The following MALRD1 variants were observed in gnomAD, a reference collection of about 807,000 sequenced individuals.
MALRD1 encodes MAM and LDL-receptor class A domain-containing protein 1.
MALRD1 carries 247 observed loss-of-function variants against 242.1 expected under a neutral mutation model. The observed-to-expected ratio is 1.02, with a 90% CI of 0.92 to 1.13. The LOEUF is 1.13. MALRD1 is among the 50% of genes most tolerant of loss of function. The pLI is 0.00. For synonymous variants in MALRD1, 995 were observed against 866.6 expected (o/e 1.15, Z -2.60); for missense variants, 2,989 against 2,533.1 (o/e 1.18, Z -3.86).
chr10:19,289,152 T>A (rs1255632649), intron 21 of MALRD1, among the ~76,000 whole-genome samples: 1 of 152,166 alleles, frequency 6.6e-6, no homozygotes, highest in East Asian at 1.9e-4. Context: ...GTGGCTTATA[T>A]CAATAAACTA....
Position 19,460,225 on chromosome 10 carries a change from G to A in MALRD1, c.5029+9735G>A, listed in dbSNP as rs114629227. 3.8e-3 allele frequency among the ~76,000 whole-genome samples: 585 copies of A among 151,998 alleles called. 4 individuals are homozygous for A. The highest frequency in any genetic ancestry group is 0.013 in the African/African-American group (557 of 41,466). On this transcript the variant is annotated intron_variant, in intron 29 of 39. Coordinates refer to ENST00000454679, the MANE Select transcript of MALRD1 (RefSeq NM_001142308.3). Reference sequence around the variant, plus strand: ...ATATGTCATTTAGTCCTGAAATATCGGTACAGATATATACTAGTATATAAG... The same window carrying A: ...ATATGTCATTTAGTCCTGAAATATCAGTACAGATATATACTAGTATATAAG...
intron 29 of MALRD1, among the ~76,000 whole-genome samples, chr10:19,459,432 A>G (rs1330734392): frequency 6.6e-6 from 1 of 152,128 alleles, no homozygotes; most frequent in Non-Finnish European, 1.5e-5. Flanking sequence ...CAGGCTTCAG[A>G]AGAGAGACTT....
intron 33 of MALRD1, among the ~76,000 whole-genome samples, chr10:19,574,954 T>C (rs551071360): frequency 1.3e-5 from 2 of 152,350 alleles, no homozygotes; most frequent in Admixed American, 6.5e-5. Context: ...TTGCCATTCA[T>C]TCAGTCAATA....
At chr10:19,325,776 G>C (rs1022321545) in intron 22 of MALRD1, among the ~76,000 whole-genome samples, 32 of 152,048 alleles carry the variant, frequency 2.1e-4, no homozygotes, top group African/African-American at 7.7e-4. Flanking sequence ...AGCTTGCCAA[G>C]AAATCTCTAG....
At chr10:19,099,166 G>A (rs1353244412) in intron 4 of MALRD1, among the ~76,000 whole-genome samples, 1 of 152,146 alleles carries the variant, frequency 6.6e-6, no homozygotes, top group Non-Finnish European at 1.5e-5. Context: ...ACAACTGCCG[G>A]CATTCACCCG....
At chr10:19,414,851 A>G (rs956527698) in intron 28 of MALRD1, among the ~76,000 whole-genome samples, 5 of 152,174 alleles carry the variant, frequency 3.3e-5, no homozygotes, top group African/African-American at 9.7e-5. Context: ...AACTTTCTAT[A>G]TAAATATAAA....
chr10:19,496,398 G>C (rs975789886), intron 30 of MALRD1, among the ~76,000 whole-genome samples: 3 of 152,026 alleles, frequency 2.0e-5, no homozygotes, highest in African/African-American at 7.2e-5. Flanking sequence ...TCTATACCAA[G>C]AAGATCTCTC....
At chr10:19,360,635 C>A (rs1844851320) in intron 26 of MALRD1, among the ~76,000 whole-genome samples, 2 of 151,994 alleles carry the variant, frequency 1.3e-5, no homozygotes, top group South Asian at 4.1e-4. Flanking sequence ...AGAAAACACT[C>A]CTGGAAATAC....
chr10:19,155,018 A>T (rs1023995555), intron 11 of MALRD1, 57 bp from the exon 12 acceptor site: 5 of 970,358 alleles, frequency 5.2e-6, no homozygotes, highest in Non-Finnish European at 6.7e-6. Context: ...TGGAGCAAAG[A>T]ACAGCTAAGT....
At position 19,674,667 on chromosome 10, in the gene MALRD1, A is replaced by G. The variant is rs527856209; in HGVS notation, c.6138-17615A>G. Among the ~76,000 whole-genome samples the G allele has an allele frequency of 5.3e-4, 80 of 152,332 alleles. 1 individual carries two copies. In the South Asian group the frequency reaches 0.016, roughly 31 times the overall value. On this transcript the variant is annotated intron_variant, in intron 36 of 39. Coordinates refer to ENST00000454679, the MANE Select transcript of MALRD1 (RefSeq NM_001142308.3). ...GGCCAGAATATACATTTGAAAGGAA[A>G]AATTTTTCAGACTTCCTATGAAAAG...
chr10:19,600,300 T>C (rs1386078682), intron 34 of MALRD1, among the ~76,000 whole-genome samples: 1 of 152,186 alleles, frequency 6.6e-6, no homozygotes, highest in Non-Finnish European at 1.5e-5. Context: ...GTTCCTCAGT[T>C]TCTTTGACAT....
chr10:19,203,627 ATACAG>A, intron 14 of MALRD1, 96 bp from the exon 15 acceptor site: 1 of 1,202,852 alleles, frequency 8.3e-7, no homozygotes, highest in Non-Finnish European at 1.1e-6. Flanking sequence ...CTTCATGTGC[ATACAG>A]AAGCATAATA....
At chr10:19,730,564 T>C in intron 38 of MALRD1, 142 bp from the exon 39 acceptor site, 1 of 886,410 alleles carries the variant, frequency 1.1e-6, no homozygotes, top group Non-Finnish European at 1.8e-6. Context: ...AAACAAACTT[T>C]ACTTATGGTA....
At chr10:19,166,306 A>C (rs1834683636) in intron 13 of MALRD1, among the ~76,000 whole-genome samples, 3 of 152,212 alleles carry the variant, frequency 2.0e-5, no homozygotes. Flanking sequence ...GACATTATAC[A>C]AAGTGAAATA....
At chr10:19,490,915 A>C (rs892536268) in intron 29 of MALRD1, among the ~76,000 whole-genome samples, 1 of 152,192 alleles carries the variant, frequency 6.6e-6, no homozygotes, top group Non-Finnish European at 1.5e-5. Flanking sequence ...TGTGTATAAA[A>C]AAGGAAAATT....
At position 19,344,668 on chromosome 10, in the gene MALRD1, T is replaced by C. The variant is rs148325545; in HGVS notation, c.3902-3103T>C. ...TCTATATATATTTTATAAAAATATA[T>C]ATCTACAAGTTATGGAACTTTGATA... On this transcript the variant is annotated intron_variant, in intron 24 of 39. Coordinates refer to ENST00000454679, the MANE Select transcript of MALRD1 (RefSeq NM_001142308.3). Among the ~76,000 whole-genome samples the C allele has an allele frequency of 2.6e-3, 392 of 150,612 alleles. 2 individuals carry two copies. Among genetic ancestry groups the C allele is most frequent in the African/African-American group, 9.0e-3 (371 of 41,394 alleles).
intron 36 of MALRD1, among the ~76,000 whole-genome samples, chr10:19,620,892 T>C (rs190390811): frequency 6.6e-6 from 1 of 151,766 alleles, no homozygotes; most frequent in East Asian, 2.0e-4. Flanking sequence ...AAAGAATTAG[T>C]GGGGGATTTT....
intron 32 of MALRD1, among the ~76,000 whole-genome samples, chr10:19,564,858 T>C (rs796769057): frequency 1.2e-4 from 19 of 152,278 alleles, no homozygotes; most frequent in African/African-American, 4.6e-4. Context: ...ATATCATTTC[T>C]ATTGAAGGAC....
chr10:19,232,031 G>A (rs138110292), intron 18 of MALRD1, among the ~76,000 whole-genome samples: 3 of 151,996 alleles, frequency 2.0e-5, no homozygotes, highest in Admixed American at 2.0e-4. Flanking sequence ...AATAAGGATG[G>A]CTCTGAAAAC....
Sources: gnomAD v4.1 joint callset for allele counts (sites outside exome capture counted in the v4.1 genomes callset) on GRCh38, gnomAD v4.1.1 for gene constraint, MANE v1.5 for transcripts, NCBI Gene and HGNC (gene_info 2026-07-23, HGNC 2026-07-21) for gene names.